CCSER1: variants seen among roughly 807,000 people sequenced by gnomAD.
The protein encoded by CCSER1 is coiled-coil serine rich protein 1.
CCSER1 carries 41 observed loss-of-function variants against 82.0 expected under a neutral mutation model. The ratio of observed to expected loss-of-function variants is 0.50; its 90% CI spans 0.39 to 0.65. The LOEUF (loss-of-function observed/expected upper bound fraction) is 0.65, where lower values mean the gene tolerates loss of function less well. Ranked by LOEUF, CCSER1 falls within the 30% of genes least tolerant of loss-of-function variation. CCSER1 has a pLI of 0.00. For synonymous variants in CCSER1, 414 were observed against 383.9 expected, an observed-to-expected ratio of 1.08 and a Z score of -0.92; for missense variants, 1,119 against 1,064.2, an observed-to-expected ratio of 1.05 and a Z score of -0.72.
intron 10 of CCSER1, among the ~76,000 whole-genome samples, chr4:91,365,445 G>A (rs959040950): frequency 1.3e-5 from 2 of 152,044 alleles, no homozygotes; most frequent in Admixed American, 1.3e-4. Flanking sequence ...AGCATAATGT[G>A]CAAAGTAGAT....
chr4:91,162,551 G>A lies in CCSER1; in HGVS notation c.2217+76557G>A, dbSNP rs549223395. 4.9e-4 allele frequency among the ~76,000 whole-genome samples: 74 copies of A among 152,230 alleles called. 2 individuals carry two copies. The South Asian group carries it at 0.013, about 26-fold the overall frequency. ...TCTGGTAGAATTTGGCTGTGAATCCGTCTGGTCCCGGACTTTTTTTGGTTG... is the reference window on the plus strand; with the variant it reads ...TCTGGTAGAATTTGGCTGTGAATCCATCTGGTCCCGGACTTTTTTTGGTTG... On this transcript the variant is annotated intron_variant, in intron 10 of 10. Transcript: ENST00000509176.
intron 10 of CCSER1, among the ~76,000 whole-genome samples, chr4:91,215,043 T>A (rs1737134328): frequency 6.6e-6 from 1 of 152,062 alleles, no homozygotes; most frequent in African/African-American, 2.4e-5. Flanking sequence ...GTTTTTTCTT[T>A]AATTATCAAC....
At chr4:91,313,024 A>G (rs1188648339) in intron 10 of CCSER1, among the ~76,000 whole-genome samples, 1 of 151,906 alleles carries the variant, frequency 6.6e-6, no homozygotes, top group Non-Finnish European at 1.5e-5. Context: ...AAAAATGTAT[A>G]CCTTTCCTTT....
chr4:91,349,558 G>C (rs1342361068), intron 10 of CCSER1, among the ~76,000 whole-genome samples: 1 of 152,082 alleles, frequency 6.6e-6, no homozygotes, highest in African/African-American at 2.4e-5. Context: ...TCTGGAGGGG[G>C]TTAACGTTGT....
At chr4:91,167,851 C>G (rs545255147) in intron 10 of CCSER1, among the ~76,000 whole-genome samples, 2 of 152,364 alleles carry the variant, frequency 1.3e-5, no homozygotes, top group South Asian at 4.1e-4. Context: ...TACGCTTTTA[C>G]AAACAAATTA....
chr4:91,088,855 A>AT (rs1049582816), intron 10 of CCSER1, among the ~76,000 whole-genome samples: 57 of 149,450 alleles, frequency 3.8e-4, no homozygotes, highest in African/African-American at 8.6e-4. Flanking sequence ...TAGATAAGTC[A>AT]TTTTTTTTTT....
intron 10 of CCSER1, among the ~76,000 whole-genome samples, chr4:91,266,009 G>GT (rs373907314): frequency 1.2e-4 from 19 of 152,196 alleles, no homozygotes; most frequent in African/African-American, 4.1e-4. Context: ...GAAGCCCCTT[G>GT]TAAAACCATG....
chr4:91,406,896 A>G (rs886069496), intron 10 of CCSER1, among the ~76,000 whole-genome samples: 1 of 152,200 alleles, frequency 6.6e-6, no homozygotes, highest in Non-Finnish European at 1.5e-5. Context: ...TGAAAAAAAC[A>G]ACCTTTGTTT....
intron 10 of CCSER1, among the ~76,000 whole-genome samples, chr4:91,436,458 CAATG>C (rs1411880165): frequency 6.6e-6 from 1 of 152,118 alleles, no homozygotes; most frequent in Non-Finnish European, 1.5e-5. Context: ...AATCTTGCCT[CAATG>C]AGAGTTAATT....
chr4:90,652,187 G>T (rs1728879929), intron 6 of CCSER1, among the ~76,000 whole-genome samples: 1 of 152,042 alleles, frequency 6.6e-6, no homozygotes, highest in Non-Finnish European at 1.5e-5. Flanking sequence ...AATTGTAGGT[G>T]TATAAACAAA....
chr4:91,509,656 G>C (rs928396910), intron 10 of CCSER1, among the ~76,000 whole-genome samples: 1 of 152,042 alleles, frequency 6.6e-6, no homozygotes, highest in Non-Finnish European at 1.5e-5. Context: ...TTTATTGAAA[G>C]TGAAACCTCC....
chr4:90,892,036 A>T (rs976193112), intron 8 of CCSER1, among the ~76,000 whole-genome samples: 1 of 152,094 alleles, frequency 6.6e-6, no homozygotes, highest in Non-Finnish European at 1.5e-5. Flanking sequence ...TAATCCATGT[A>T]ACTCATTTTA....
chr4:91,598,040 A>T (rs565613444), intron 10 of CCSER1, among the ~76,000 whole-genome samples: 2 of 152,316 alleles, frequency 1.3e-5, no homozygotes, highest in East Asian at 3.9e-4. Flanking sequence ...TAAGTGGTCT[A>T]TTGGTCTTCT....
At chr4:90,637,331 C>A (rs1048099330) in intron 6 of CCSER1, among the ~76,000 whole-genome samples, 3 of 152,114 alleles carry the variant, frequency 2.0e-5, no homozygotes, top group African/African-American at 7.2e-5. Flanking sequence ...CCTGACTACA[C>A]AATCTGAGAG....
intron 10 of CCSER1, among the ~76,000 whole-genome samples, chr4:91,589,638 A>G (rs1764171765): frequency 6.7e-6 from 1 of 148,830 alleles, no homozygotes; most frequent in Non-Finnish European, 1.5e-5. Context: ...CTGCATTCCT[A>G]TGCAAATACA....
At chr4:90,279,443 T>C (rs1728501001) in intron 1 of CCSER1, among the ~76,000 whole-genome samples, 1 of 152,024 alleles carries the variant, frequency 6.6e-6, no homozygotes, top group African/African-American at 2.4e-5. Flanking sequence ...CACATAGAAA[T>C]GCTGCAGAGT....
chr4:90,202,083 A>G (rs898627442), intron 1 of CCSER1, among the ~76,000 whole-genome samples: 3 of 152,266 alleles, frequency 2.0e-5, no homozygotes, highest in South Asian at 2.1e-4. Context: ...ATCTTTCAAG[A>G]TATTATGAAA....
At chr4:90,549,464 T>C (rs190124256) in intron 5 of CCSER1, among the ~76,000 whole-genome samples, 1 of 151,836 alleles carries the variant, frequency 6.6e-6, no homozygotes, top group Non-Finnish European at 1.5e-5. Context: ...AAATAGAGTA[T>C]TTCAGGTGAT....
At chr4:91,443,110 A>G (rs896029662) in intron 10 of CCSER1, among the ~76,000 whole-genome samples, 1 of 152,118 alleles carries the variant, frequency 6.6e-6, no homozygotes, top group African/African-American at 2.4e-5. Context: ...TGACCCAGCC[A>G]TCCCATTACT....
Sources: allele counts gnomAD v4.1 joint callset (sites outside exome capture counted in the v4.1 genomes callset), GRCh38; gene constraint gnomAD v4.1.1; transcripts MANE v1.5; gene names NCBI Gene and HGNC (gene_info 2026-07-23, HGNC 2026-07-21).